Variants in NME8 observed in about 807,000 individuals in gnomAD.
NME8 encodes the protein protein NME8.
In NME8, 72 loss-of-function variants were observed where a neutral mutation model predicts 82.3. The ratio of observed to expected loss-of-function variants is 0.87; its 90% confidence interval spans 0.72 to 1.06. The LOEUF is 1.06. Among genes scored for constraint, NME8 ranks in the 50% least tolerant of loss-of-function variants. The pLI, the probability that NME8 is intolerant of heterozygous loss-of-function variation, is 0.00. For synonymous variants in NME8, 267 were observed against 228.5 expected, an observed-to-expected ratio of 1.17 and a Z score of -1.52; for missense variants, 712 against 685.4, an observed-to-expected ratio of 1.04 and a Z score of -0.43.
intron 17 of NME8, among the ~76,000 whole-genome samples, chr7:37,899,743 A>C (rs184459722): frequency 1.3e-5 from 2 of 152,170 alleles, no homozygotes; most frequent in Admixed American, 1.3e-4. Context: ...AAATAAAGGA[A>C]ATTTTGTTTC....
chr7:37,889,046 C>T (rs1446452844), intron 15 of NME8, among the ~76,000 whole-genome samples: 1 of 151,766 alleles, frequency 6.6e-6, no homozygotes, highest in Non-Finnish European at 1.5e-5. Context: ...GTAAAATTTT[C>T]CTGTGAAAAT....
chr7:37,874,241 T>C (rs1484356946), intron 11 of NME8, among the ~76,000 whole-genome samples: 1 of 152,180 alleles, frequency 6.6e-6, no homozygotes, highest in Non-Finnish European at 1.5e-5. Context: ...TCCATAATTC[T>C]GGGTTTTATA....
intron 9 of NME8, among the ~76,000 whole-genome samples, chr7:37,864,711 C>G (rs2131949518): frequency 6.6e-6 from 1 of 152,224 alleles, no homozygotes; most frequent in South Asian, 2.1e-4. Context: ...AAAGATGTAT[C>G]TGAGACTGGG....
intron 8 of NME8, among the ~76,000 whole-genome samples, 180 bp downstream of exon 8, chr7:37,863,642 A>G (rs1185142566): frequency 4.0e-5 from 6 of 151,824 alleles, no homozygotes; most frequent in Non-Finnish European, 7.4e-5. Context: ...TCTTTTCCTC[A>G]CTCGCCTTAC....
intron 15 of NME8, among the ~76,000 whole-genome samples, chr7:37,892,054 G>A (rs549521464): frequency 6.6e-5 from 10 of 151,992 alleles, no homozygotes; most frequent in Non-Finnish European, 4.4e-5. Context: ...TTTCTTGACA[G>A]AGTATCTCTA....
chr7:37,859,128 G>A (rs3778714), intron 6 of NME8, among the ~76,000 whole-genome samples: 139,434 of 152,170 alleles, frequency 0.92, 64,161 homozygotes, highest in Middle Eastern at 0.95. Flanking sequence ...TCCCAGCTTC[G>A]TGTACTCCTT....
intron 9 of NME8, among the ~76,000 whole-genome samples, chr7:37,865,136 A>T (rs1010992752): frequency 6.6e-6 from 1 of 152,210 alleles, no homozygotes; most frequent in Non-Finnish European, 1.5e-5. Flanking sequence ...TCATTTCAGC[A>T]TTAACTCAAA....
Position 37,885,205 on chromosome 7 carries a change from A to G in NME8, c.1200A>G (p.Leu400=). The part of the protein sequence containing the change: ...RDNGLQYWKQ[L]LGPRTVEEAI... The stretch of plus-strand genomic sequence containing the variant: ...ATGGCTTGCAATACTGGAAACAATT[A>G]CTGGGACCAAGAACTGTTGAAGAAG... Residue 400 remains leucine (L), a synonymous_variant, in exon 14 of 18, where the codon TTA becomes TTG. Transcript: ENST00000199447. The G allele has an allele frequency of 6.2e-7, 1 of 1,613,646 alleles. No homozygotes were observed. The highest frequency in any genetic ancestry group is 8.5e-7 in the Non-Finnish European group (1 of 1,179,694).
At chr7:37,871,766 C>T (rs58773667) in intron 11 of NME8, among the ~76,000 whole-genome samples, 2,147 of 152,178 alleles carry the variant, frequency 0.014, 58 homozygotes, top group African/African-American at 0.049. Flanking sequence ...AGTAGCCTCT[C>T]TATTTGTCCC....
chr7:37,850,627 AG>A lies in NME8; in HGVS notation c.92-1del. The A allele has an allele frequency of 6.3e-7, 1 of 1,595,202 alleles. No individual in the cohort carries two copies. The highest frequency in any genetic ancestry group is 1.1e-5 in the South Asian group (1 of 90,802). ...TATTTCATAAATATCATCATCTTCT[AG>A]TGATTGATGTTTACCAAGCCTGGTG... On this transcript the variant is annotated splice_acceptor_variant, in intron 4 of 17. Transcript: ENST00000199447. LOFTEE classifies it high-confidence loss of function.
intron 10 of NME8, among the ~76,000 whole-genome samples, chr7:37,867,054 G>C (rs979083487): frequency 5.9e-5 from 9 of 152,162 alleles, no homozygotes; most frequent in African/African-American, 2.2e-4. Flanking sequence ...GTCTTGCTTA[G>C]TGAATCTGCG....
chr7:37,861,941 G>T (rs935190862), intron 6 of NME8, 87 bp from the exon 7 acceptor site: 2 of 843,588 alleles, frequency 2.4e-6, no homozygotes, highest in Non-Finnish European at 4.2e-6. Flanking sequence ...AGGGTAGAAG[G>T]GAGGGATGAC....
chr7:37,854,326 A>G (rs917027859), intron 5 of NME8, among the ~76,000 whole-genome samples: 2 of 152,134 alleles, frequency 1.3e-5, no homozygotes, highest in African/African-American at 2.4e-5. Flanking sequence ...TCATCTTAAC[A>G]TTGAGTAGGT....
At chr7:37,875,613 T>G (rs537433978) in intron 11 of NME8, among the ~76,000 whole-genome samples, 65 of 151,902 alleles carry the variant, frequency 4.3e-4, no homozygotes, top group Non-Finnish European at 7.9e-4. Context: ...TTTTCTCATC[T>G]ATATTCTGTT....
intron 11 of NME8, among the ~76,000 whole-genome samples, chr7:37,869,204 G>T (rs1784734283): frequency 6.6e-6 from 1 of 152,252 alleles, no homozygotes; most frequent in South Asian, 2.1e-4. Flanking sequence ...TAGGAAGTGG[G>T]AGATCCTAAT....
intron 12 of NME8, 109 bp from the exon 13 acceptor site, chr7:37,884,194 C>T (rs1246473551): frequency 7.7e-6 from 6 of 782,252 alleles, no homozygotes; most frequent in Middle Eastern, 3.7e-4. Flanking sequence ...TTCAAAATTT[C>T]GTATGAGAAT....
intron 5 of NME8, among the ~76,000 whole-genome samples, chr7:37,851,971 T>C (rs1784444031): frequency 6.6e-6 from 1 of 152,200 alleles, no homozygotes; most frequent in African/African-American, 2.4e-5. Flanking sequence ...GCATTTTCCA[T>C]AGGACTTATT....
chr7:37,879,630 A>T (rs572589245), intron 12 of NME8, among the ~76,000 whole-genome samples: 2 of 152,300 alleles, frequency 1.3e-5, no homozygotes, highest in African/African-American at 4.8e-5. Context: ...TCCAGTTTTC[A>T]GCCATTATGA....
chr7:37,857,403 A>G (rs1390970812), intron 6 of NME8, 58 bp downstream of exon 6: 4 of 1,100,098 alleles, frequency 3.6e-6, no homozygotes, highest in Non-Finnish European at 5.6e-6. Context: ...GTTAAGAACA[A>G]GTAACATTGT....
Sources: gnomAD v4.1 joint callset for allele counts (sites outside exome capture counted in the v4.1 genomes callset) on GRCh38, gnomAD v4.1.1 for gene constraint, MANE v1.5 for transcripts, NCBI Gene and HGNC (gene_info 2026-07-23, HGNC 2026-07-21) for gene names.